The following EGFLAM variants were observed in gnomAD, a reference collection of about 807,000 sequenced individuals.
The protein encoded by EGFLAM is pikachurin.
A neutral mutation model predicts 113.1 loss-of-function variants in EGFLAM; 79 were observed. That is an observed-to-expected ratio of 0.70 (90% confidence interval 0.58 to 0.84). The LOEUF (loss-of-function observed/expected upper bound fraction) is 0.84. Ranked by LOEUF, EGFLAM falls within the 40% of genes least tolerant of loss-of-function variation. The pLI, the probability that EGFLAM is intolerant of heterozygous loss-of-function variation, is 0.00. For missense variants in EGFLAM, 1,265 were observed against 1,291.6 expected, an observed-to-expected ratio of 0.98 and a Z score of 0.32; for synonymous variants, 504 against 487.6, an observed-to-expected ratio of 1.03 and a Z score of -0.44.
rs564292961 is a variant in EGFLAM, at chr5:38,284,598, G to A, written c.97+25747G>A. On this transcript the variant is annotated intron_variant, in intron 1 of 21. Coordinates refer to ENST00000322350, the MANE Select transcript of EGFLAM (RefSeq NM_152403.4). ...TCCAGCAGGCCTGCTGCTTTCTTTT[G>A]TTTGCCTGCTCTATGGTCTCCTCAT... is the stretch of plus-strand genomic sequence containing the variant. Among the ~76,000 whole-genome samples the A allele has an allele frequency of 5.3e-5, 8 of 152,298 alleles. No individual in the cohort carries two copies. The South Asian group carries it at 1.5e-3, about 28-fold the overall frequency.
chr5:38,264,393 T>A (rs931700969), intron 1 of EGFLAM, among the ~76,000 whole-genome samples: 20 of 152,236 alleles, frequency 1.3e-4, no homozygotes, highest in African/African-American at 4.6e-4. Flanking sequence ...CAAACTAAAA[T>A]AAAGATGTAA....
At chr5:38,395,956 T>G (rs1317045648) in intron 6 of EGFLAM, among the ~76,000 whole-genome samples, 1 of 152,090 alleles carries the variant, frequency 6.6e-6, no homozygotes, top group African/African-American at 2.4e-5. Flanking sequence ...TGTTCTCTAC[T>G]CATAGAAAAG....
intron 1 of EGFLAM, among the ~76,000 whole-genome samples, chr5:38,331,036 A>G (rs1739026856): frequency 6.6e-6 from 1 of 152,250 alleles, no homozygotes; most frequent in Non-Finnish European, 1.5e-5. Flanking sequence ...GAAGAAAAAT[A>G]GCCAAAAAAA....
intron 6 of EGFLAM, among the ~76,000 whole-genome samples, chr5:38,372,358 G>T (rs1336796591): frequency 6.6e-6 from 1 of 152,072 alleles, no homozygotes; most frequent in Non-Finnish European, 1.5e-5. Flanking sequence ...GGCCAGGCTG[G>T]TCTCTTTGGC....
At chr5:38,261,980 G>A (rs190391803) in intron 1 of EGFLAM, among the ~76,000 whole-genome samples, 1 of 152,166 alleles carries the variant, frequency 6.6e-6, no homozygotes, top group Non-Finnish European at 1.5e-5. Context: ...AGACCTTCAC[G>A]GTGTGGACAC....
chr5:38,338,083 C>T (rs1454306140), intron 2 of EGFLAM, among the ~76,000 whole-genome samples: 4 of 152,144 alleles, frequency 2.6e-5, no homozygotes, highest in South Asian at 4.1e-4. Flanking sequence ...TATCATTTCA[C>T]CAAAATGTTT....
intron 5 of EGFLAM, 43 bp downstream of exon 5, chr5:38,352,374 C>A: frequency 6.2e-7 from 1 of 1,606,710 alleles, no homozygotes; most frequent in Non-Finnish European, 8.5e-7. Flanking sequence ...GTGTGCTGGG[C>A]GCGGTGGCTC....
In EGFLAM at chr5:38,407,820, A is replaced by T; in HGVS notation, c.1163A>T (p.Tyr388Phe). The change falls in exon 9 of 22, where the codon TAT becomes TTT. Residue 388 changes from tyrosine (Y) to phenylalanine (F), a missense_variant. Physicochemically the swap from Tyr to Phe is conservative, Grantham distance 22 (BLOSUM62 3). Transcript: ENST00000322350. ...TCTTCTTCAGATATTGTTATCCAGT[A>T]TCCTCAGTTCTTTGGCCACTCCTAT... ...ESCSEDIVIQYPQFFGHSYVT... is the reference protein window; with the variant it reads ...ESCSEDIVIQFPQFFGHSYVT... 2.5e-6 allele frequency: 4 copies of T among 1,612,336 alleles called. No individual in the cohort carries two copies. The highest frequency in any genetic ancestry group is 3.4e-6 in the Non-Finnish European group (4 of 1,178,610).
At chr5:38,356,678 G>T (rs1290337118) in intron 5 of EGFLAM, among the ~76,000 whole-genome samples, 2 of 152,140 alleles carry the variant, frequency 1.3e-5, no homozygotes, top group Non-Finnish European at 1.5e-5. Context: ...CTCATCTTAG[G>T]CTGCTGTTTG....
In EGFLAM at chr5:38,438,323, G is replaced by A. The variant is rs148322152; in HGVS notation, c.2332G>A (p.Gly778Arg). The change falls in exon 17 of 22, where the codon GGA (glycine) becomes AGA (arginine). Residue 778 changes from glycine (G) to arginine (R), a missense_variant. Physicochemically the swap from Gly to Arg is moderately radical, Grantham distance 125 (BLOSUM62 -2). Coordinates refer to ENST00000322350, the MANE Select transcript of EGFLAM (RefSeq NM_152403.4). Reference protein sequence around the residue: ...TIHVKHDFTSGVNVENAAHPC... With the variant: ...TIHVKHDFTSRVNVENAAHPC... ...CCATGTGAAGCATGACTTCACCTCC[G>A]GAGTGAATGTGGAGAATGCGGCCCA... 5.6e-5 allele frequency: 91 copies of A among 1,613,978 alleles called. No individual in the cohort carries two copies. Among genetic ancestry groups the A allele is most frequent in the Admixed American group, 8.3e-5 (5 of 60,002 alleles).
At chr5:38,365,097 C>T (rs1450113270) in intron 5 of EGFLAM, among the ~76,000 whole-genome samples, 1 of 152,172 alleles carries the variant, frequency 6.6e-6, no homozygotes, top group East Asian at 1.9e-4. Flanking sequence ...ATTCCACTCT[C>T]AAAAGTATTT....
chr5:38,326,143 C>G (rs1213401186), intron 1 of EGFLAM, among the ~76,000 whole-genome samples: 1 of 152,292 alleles, frequency 6.6e-6, no homozygotes, highest in East Asian at 1.9e-4. Flanking sequence ...CCTCTCTCCC[C>G]TCTCCCAGAC....
chr5:38,344,474 ACT>A (rs1161447953), intron 3 of EGFLAM, among the ~76,000 whole-genome samples: 2 of 99,330 alleles, frequency 2.0e-5, no homozygotes, highest in Non-Finnish European at 4.0e-5. Flanking sequence ...CAAGAGTGAA[ACT>A]CTGTTTCAAA....
intron 1 of EGFLAM, among the ~76,000 whole-genome samples, chr5:38,259,241 C>T (rs572161162): frequency 1.3e-5 from 2 of 152,274 alleles, no homozygotes; most frequent in South Asian, 2.1e-4. Flanking sequence ...GTCCAGAGCC[C>T]AGCCATTTCC....
chr5:38,448,729 T>C (rs919111568), intron 18 of EGFLAM, among the ~76,000 whole-genome samples: 1 of 152,132 alleles, frequency 6.6e-6, no homozygotes, highest in African/African-American at 2.4e-5. Flanking sequence ...GAAGCCTGAG[T>C]GATGACTATG....
At chr5:38,359,786 C>A (rs145775967) in intron 5 of EGFLAM, among the ~76,000 whole-genome samples, 2 of 152,178 alleles carry the variant, frequency 1.3e-5, no homozygotes, top group Non-Finnish European at 2.9e-5. Flanking sequence ...TAAATCTCAA[C>A]GTAAGATATT....
chr5:38,366,704 G>T lies in EGFLAM; in HGVS notation c.546-3592G>T, dbSNP rs117689748. On this transcript the variant is annotated intron_variant, in intron 5 of 21. Coordinates refer to ENST00000322350, the MANE Select transcript of EGFLAM (RefSeq NM_152403.4). ...ACCATGTAGGTAGAATGAGAGACTG[G>T]ATCAGATCAGTGACTCTCAAAGCTT... Among the ~76,000 whole-genome samples the T allele has an allele frequency of 8.5e-4, 130 of 152,256 alleles. 2 individuals carry two copies. The East Asian group carries it at 0.02, about 24-fold the overall frequency.
intron 17 of EGFLAM, among the ~76,000 whole-genome samples, chr5:38,446,215 C>T (rs1487703825): frequency 6.6e-6 from 1 of 152,158 alleles, no homozygotes; most frequent in Admixed American, 6.5e-5. Context: ...CTTCCACCTC[C>T]TCCATTTTTG....
intron 16 of EGFLAM, among the ~76,000 whole-genome samples, chr5:38,437,965 A>AAT (rs1272000860): frequency 6.6e-5 from 10 of 151,914 alleles, no homozygotes; most frequent in East Asian, 3.9e-4. Flanking sequence ...CTCTACTAAA[A>AAT]ACAAAAATTA....
Sources: gnomAD v4.1 joint callset for allele counts (sites outside exome capture counted in the v4.1 genomes callset) on GRCh38, gnomAD v4.1.1 for gene constraint, MANE v1.5 for transcripts, NCBI Gene and HGNC (gene_info 2026-07-23, HGNC 2026-07-21) for gene names.